Variants in KCNH7 observed in about 807,000 individuals in gnomAD.
KCNH7 encodes potassium voltage-gated channel subfamily H member 7, also known as voltage-gated inwardly rectifying potassium channel KCNH7.
A neutral mutation model predicts 120.8 loss-of-function variants in KCNH7; 49 were observed. The observed-to-expected ratio is 0.41, with a 90% CI of 0.32 to 0.51. KCNH7 has a LOEUF of 0.51. KCNH7 is among the 20% of genes least tolerant of loss of function. KCNH7 has a pLI of 0.38. For synonymous variants in KCNH7, 547 were observed against 516.1 expected, an observed-to-expected ratio of 1.06 and a Z score of -0.81; for missense variants, 1,097 against 1,446.6, an observed-to-expected ratio of 0.76 and a Z score of 3.92.
chr2:162,489,646 C>T (rs999918338), intron 6 of KCNH7, among the ~76,000 whole-genome samples: 1 of 152,188 alleles, frequency 6.6e-6, no homozygotes, highest in African/African-American at 2.4e-5. Flanking sequence ...TAACATTTGA[C>T]TTATATTTAG....
At chr2:162,743,084 T>A (rs1419207523) in intron 2 of KCNH7, among the ~76,000 whole-genome samples, 1 of 152,138 alleles carries the variant, frequency 6.6e-6, no homozygotes, top group Non-Finnish European at 1.5e-5. Flanking sequence ...CTGCTTCTTA[T>A]TTCATTGATT....
At chr2:162,493,151 A>G (rs1380899950) in intron 6 of KCNH7, among the ~76,000 whole-genome samples, 1 of 152,092 alleles carries the variant, frequency 6.6e-6, no homozygotes, top group East Asian at 1.9e-4. Context: ...CTGGGAAACT[A>G]CATGTTTCCC....
At chr2:162,832,424 T>C (rs1331050727) in intron 2 of KCNH7, among the ~76,000 whole-genome samples, 4 of 152,174 alleles carry the variant, frequency 2.6e-5, no homozygotes, top group South Asian at 2.1e-4. Context: ...TTATTATGTA[T>C]ACATGACAAT....
At chr2:162,774,912 C>T (rs1683180567) in intron 2 of KCNH7, among the ~76,000 whole-genome samples, 2 of 152,050 alleles carry the variant, frequency 1.3e-5, no homozygotes, top group Non-Finnish European at 2.9e-5. Context: ...TTAATAGTAG[C>T]ACAATATTTT....
intron 12 of KCNH7, among the ~76,000 whole-genome samples, chr2:162,388,872 C>T (rs947765472): frequency 2.4e-4 from 36 of 151,930 alleles, no homozygotes; most frequent in African/African-American, 8.0e-4. Context: ...CAGTACACTT[C>T]CACTCTATTT....
intron 2 of KCNH7, among the ~76,000 whole-genome samples, chr2:162,710,862 A>G (rs1298060926): frequency 6.6e-6 from 1 of 152,118 alleles, no homozygotes. Flanking sequence ...ATAGATTTTA[A>G]AAGTTGACTC....
At chr2:162,638,587 C>CA (rs1254523629) in intron 2 of KCNH7, among the ~76,000 whole-genome samples, 1 of 151,890 alleles carries the variant, frequency 6.6e-6, no homozygotes, top group African/African-American at 2.4e-5. Context: ...CATCTAAGAT[C>CA]AAAAAATCAA....
At chr2:162,706,641 T>G (rs937595406) in intron 2 of KCNH7, among the ~76,000 whole-genome samples, 2 of 152,090 alleles carry the variant, frequency 1.3e-5, no homozygotes, top group Non-Finnish European at 2.9e-5. Context: ...AACTGGTGCT[T>G]CTGTAACATG....
intron 2 of KCNH7, among the ~76,000 whole-genome samples, chr2:162,574,572 T>C (rs1250603723): frequency 6.6e-6 from 1 of 151,940 alleles, no homozygotes; most frequent in Non-Finnish European, 1.5e-5. Context: ...GAGCCAAGAG[T>C]TTTTGGGTTT....
intron 2 of KCNH7, among the ~76,000 whole-genome samples, chr2:162,742,901 A>G (rs1688188472): frequency 6.6e-6 from 1 of 152,224 alleles, no homozygotes; most frequent in African/African-American, 2.4e-5. Context: ...GATAAAAAGT[A>G]CAGAAGAATA....
chr2:162,527,506 T>G (rs1177656590), intron 3 of KCNH7, among the ~76,000 whole-genome samples: 1 of 151,998 alleles, frequency 6.6e-6, no homozygotes, highest in African/African-American at 2.4e-5. Context: ...GATACAAATT[T>G]GAGGAAGTAA....
intron 2 of KCNH7, among the ~76,000 whole-genome samples, chr2:162,745,104 A>G (rs1688270593): frequency 6.6e-6 from 1 of 152,194 alleles, no homozygotes; most frequent in Non-Finnish European, 1.5e-5. Flanking sequence ...ACATTAAAAC[A>G]CTGAAATTTG....
intron 2 of KCNH7, among the ~76,000 whole-genome samples, chr2:162,682,591 TATAACA>T: frequency 6.6e-6 from 1 of 151,970 alleles, no homozygotes; most frequent in East Asian, 1.9e-4. Context: ...ACATAGGTAT[TATAACA>T]TAAAATACCG....
chr2:162,600,121 T>C (rs547623778), intron 2 of KCNH7, among the ~76,000 whole-genome samples: 1 of 152,120 alleles, frequency 6.6e-6, no homozygotes, highest in Non-Finnish European at 1.5e-5. Flanking sequence ...TCTCTCTAGC[T>C]TGTAATCAAT....
intron 6 of KCNH7, among the ~76,000 whole-genome samples, chr2:162,454,019 A>T (rs2105581219): frequency 6.6e-6 from 1 of 152,266 alleles, no homozygotes; most frequent in Middle Eastern, 3.4e-3. Context: ...TCAGTCATGA[A>T]GTCTTTGCCC....
At chr2:162,402,956 C>A (rs1205007182) in intron 9 of KCNH7, among the ~76,000 whole-genome samples, 1 of 151,904 alleles carries the variant, frequency 6.6e-6, no homozygotes, top group African/African-American at 2.4e-5. Context: ...AGAGTTCTAG[C>A]TCCATCATTT....
chr2:162,795,777 G>C (rs548275489), intron 2 of KCNH7: 1 of 152,126 alleles, frequency 6.6e-6, no homozygotes, highest in East Asian at 1.9e-4. Context: ...AGATACTTGT[G>C]AACACCTTGC....
rs113194420 is a variant in KCNH7 at position 162,617,490 on chromosome 2, C to CAA, written c.308-80412_308-80411dup. On this transcript the variant is annotated intron_variant, in intron 2 of 15. Coordinates refer to ENST00000332142, the MANE Select transcript of KCNH7 (RefSeq NM_033272.4). ...CGAGATTCCATCTCAAAAAACAAAA[C>CAA]AAAAAAAAAATAGAATTTAGAAAAG... 1.6e-3 allele frequency among the ~76,000 whole-genome samples: 240 copies of CAA among 147,322 alleles called. 1 individual carries two copies. Among genetic ancestry groups the CAA allele is most frequent in the African/African-American group, 5.7e-3 (230 of 40,224 alleles).
chr2:162,683,631 G>A (rs1007932548), intron 2 of KCNH7, among the ~76,000 whole-genome samples: 25 of 151,800 alleles, frequency 1.6e-4, no homozygotes, highest in African/African-American at 6.0e-4. Flanking sequence ...TTCCCTGTGT[G>A]TCTAAATTTA....
Sources: allele counts gnomAD v4.1 joint callset (sites outside exome capture counted in the v4.1 genomes callset), GRCh38; gene constraint gnomAD v4.1.1; transcripts MANE v1.5; gene names NCBI Gene and HGNC (gene_info 2026-07-23, HGNC 2026-07-21).